PEX13: variants seen among roughly 807,000 people sequenced by gnomAD.
PEX13 encodes the protein peroxisomal biogenesis factor 13.
PEX13 carries 28 observed loss-of-function variants against 34.5 expected under a neutral mutation model. The ratio of observed to expected loss-of-function variants is 0.81; its 90% CI spans 0.60 to 1.11. The LOEUF is 1.11. Among genes scored for constraint, PEX13 ranks in the 50% most tolerant of loss-of-function variants. The pLI, the probability that PEX13 is intolerant of heterozygous loss-of-function variation, is 0.00. For synonymous variants in PEX13, 177 were observed against 175.1 expected (o/e 1.01, Z -0.09); for missense variants, 550 against 491.0 (o/e 1.12, Z -1.13).
At position 61,050,944 on chromosome 2, in the gene PEX13, CTA is replaced by C. The variant is rs1479226943; in HGVS notation, c.*2176_*2177del. Reference sequence around the variant, plus strand: ...CGATTTAGTATTTTTTTCTAATAGACTATGTTCAACAAATAAGTAATTCTCGA... The same window carrying C: ...CGATTTAGTATTTTTTTCTAATAGACTGTTCAACAAATAAGTAATTCTCGA... On this transcript the variant is annotated 3_prime_UTR_variant, in exon 4 of 4. Transcript: ENST00000295030. The C allele has an allele frequency of 6.6e-6, 1 of 152,262 alleles. No homozygotes were observed. Among genetic ancestry groups the C allele is most frequent in the Non-Finnish European group, 1.5e-5 (1 of 68,022 alleles). The allele number at this position is 152,262 out of a possible 1,614,324, so 9.4% of individuals were successfully genotyped here.
At chr2:61,030,101 A>G (rs1680426181) in intron 1 of PEX13, among the ~76,000 whole-genome samples, 1 of 152,200 alleles carries the variant, frequency 6.6e-6, no homozygotes, top group African/African-American at 2.4e-5. Context: ...GCCTGTGCTG[A>G]TACATGCTAT....
intron 2 of PEX13, among the ~76,000 whole-genome samples, chr2:61,032,737 G>T (rs1455916689): frequency 6.6e-6 from 1 of 152,154 alleles, no homozygotes; most frequent in Non-Finnish European, 1.5e-5. Flanking sequence ...TTAGAAAAGA[G>T]AAGCTAACAT....
intron 1 of PEX13, chr2:61,018,253 T>G (rs1680148355): frequency 6.4e-7 from 1 of 1,551,042 alleles, no homozygotes; most frequent in Non-Finnish European, 8.7e-7. Context: ...GAGCAAAGTC[T>G]CTCCTTAAAG....
At chr2:61,027,052 G>A (rs1029204292) in intron 1 of PEX13, among the ~76,000 whole-genome samples, 1 of 152,054 alleles carries the variant, frequency 6.6e-6, no homozygotes, top group African/African-American at 2.4e-5. Context: ...ACTGGGCATG[G>A]TGGCTCACAC....
intron 2 of PEX13, among the ~76,000 whole-genome samples, chr2:61,035,945 T>A (rs1680527590): frequency 6.8e-6 from 1 of 147,810 alleles, no homozygotes; most frequent in African/African-American, 2.5e-5. Flanking sequence ...ATCACACCAT[T>A]GCACTCCAGC....
chr2:61,049,103 G>T lies in PEX13; in HGVS notation c.*333G>T. 3 of 254,350 alleles carry T rather than the reference G, an allele frequency of 1.2e-5. No homozygotes were observed. The highest frequency in any genetic ancestry group is 2.3e-5 in the Non-Finnish European group (3 of 130,772). The allele number at this position is 254,350 out of a possible 1,614,324, so 15.8% of individuals were successfully genotyped here. A position where few individuals can be genotyped will look rare whatever the true frequency, so the allele number is the denominator to read the frequency against. On this transcript the variant is annotated 3_prime_UTR_variant, in exon 4 of 4. Coordinates refer to ENST00000295030, the MANE Select transcript of PEX13 (RefSeq NM_002618.4). The stretch of plus-strand genomic sequence containing the variant: ...AGCATGCACAGTTTGGTACAGTAGA[G>T]ATCATTAATACTTTTAAAAGTTCTG...
At chr2:61,037,928 C>G (rs1044227423) in intron 2 of PEX13, among the ~76,000 whole-genome samples, 57 of 152,216 alleles carry the variant, frequency 3.7e-4, no homozygotes, top group African/African-American at 1.3e-3. Context: ...GGGGTATCAC[C>G]ACCCATCCCA....
chr2:61,043,069 C>T (rs530398401), intron 2 of PEX13, among the ~76,000 whole-genome samples: 3 of 152,108 alleles, frequency 2.0e-5, no homozygotes, highest in Admixed American at 2.0e-4. Flanking sequence ...TGCCTCCTGC[C>T]ATGTTATGAC....
chr2:61,034,631 G>C (rs147340796), intron 2 of PEX13, among the ~76,000 whole-genome samples: 115 of 152,310 alleles, frequency 7.6e-4, no homozygotes, highest in African/African-American at 2.7e-3. Context: ...TATGGTCCTC[G>C]CAACTGGCAG....
chr2:61,036,312 C>G (rs770574076), intron 2 of PEX13, among the ~76,000 whole-genome samples: 3 of 152,028 alleles, frequency 2.0e-5, no homozygotes, highest in Non-Finnish European at 2.9e-5. Flanking sequence ...GAAGAGCAAC[C>G]CTAAGACACA....
chr2:61,020,180 C>G (rs996701614), intron 1 of PEX13, among the ~76,000 whole-genome samples: 1 of 152,168 alleles, frequency 6.6e-6, no homozygotes, highest in African/African-American at 2.4e-5. Flanking sequence ...GAGCCAAGAT[C>G]ACGCCACTGC....
chr2:61,026,504 C>T (rs1250043338), intron 1 of PEX13, among the ~76,000 whole-genome samples: 4 of 151,796 alleles, frequency 2.6e-5, no homozygotes, highest in Non-Finnish European at 4.4e-5. Flanking sequence ...CCCACCACCA[C>T]GCGTGGCTAA....
In PEX13 at chr2:61,017,744, A is replaced by G; in HGVS notation, c.-16A>G. 1 of 1,547,216 alleles carries G rather than the reference A, an allele frequency of 6.5e-7. No homozygotes were observed. The highest frequency in any genetic ancestry group is 8.7e-7 in the Non-Finnish European group (1 of 1,145,178). ...CAGTCAGGGGTAGGAGCGGGAGCCG[A>G]GAGGAGGCGGAGGAGATGGCGTCCC... On this transcript the variant is annotated 5_prime_UTR_variant, in exon 1 of 4. Coordinates refer to ENST00000295030, the MANE Select transcript of PEX13 (RefSeq NM_002618.4).
rs181364070 is a variant in PEX13 at position 61,037,008 on chromosome 2, A to T, written c.787+4895A>T. On this transcript the variant is annotated intron_variant, in intron 2 of 3. Transcript: ENST00000295030. ...TAGTCTCTGATAAAACAGACTTTAAACAAAGATCAAAAGAGACAAGGCCAT... is the reference window on the plus strand; with the variant it reads ...TAGTCTCTGATAAAACAGACTTTAATCAAAGATCAAAAGAGACAAGGCCAT... Among the ~76,000 whole-genome samples the T allele has an allele frequency of 1.1e-4, 17 of 152,330 alleles. No individual in the cohort carries two copies. In the East Asian group the frequency reaches 3.3e-3, roughly 29 times the overall value.
intron 3 of PEX13, among the ~76,000 whole-genome samples, chr2:61,046,854 G>A (rs1350923459): frequency 6.6e-6 from 1 of 152,164 alleles, no homozygotes; most frequent in Non-Finnish European, 1.5e-5. Context: ...TACTTTCAAT[G>A]TTCAAATCAT....
chr2:61,042,245 G>A (rs1559042951), intron 2 of PEX13, among the ~76,000 whole-genome samples: 1 of 152,142 alleles, frequency 6.6e-6, no homozygotes, highest in African/African-American at 2.4e-5. Context: ...CTTTTCCACT[G>A]TAACAGTGGA....
At chr2:61,033,432 G>A (rs960279075) in intron 2 of PEX13, among the ~76,000 whole-genome samples, 1 of 152,130 alleles carries the variant, frequency 6.6e-6, no homozygotes, top group African/African-American at 2.4e-5. Context: ...GAAGGATAAT[G>A]TTTTATTAAC....
chr2:61,036,704 G>A (rs1418383564), intron 2 of PEX13, among the ~76,000 whole-genome samples: 1 of 152,210 alleles, frequency 6.6e-6, no homozygotes, highest in African/African-American at 2.4e-5. Context: ...ACGCTATGAA[G>A]AAACTGCATC....
chr2:61,037,710 G>T (rs1199935637), intron 2 of PEX13, among the ~76,000 whole-genome samples: 1 of 152,104 alleles, frequency 6.6e-6, no homozygotes, highest in Non-Finnish European at 1.5e-5. Flanking sequence ...AACTAGAGAA[G>T]CAAGAGCAAA....
Sources: allele counts gnomAD v4.1 joint callset (sites outside exome capture counted in the v4.1 genomes callset), GRCh38; gene constraint gnomAD v4.1.1; transcripts MANE v1.5; gene names NCBI Gene and HGNC (gene_info 2026-07-23, HGNC 2026-07-21).